Variants in HPSE2 observed in about 807,000 individuals in gnomAD.
HPSE2 encodes the protein inactive heparanase-2.
In HPSE2, 38 loss-of-function variants were observed where a neutral mutation model predicts 60.5. That is an observed-to-expected ratio of 0.63 (90% CI 0.48 to 0.82). The LOEUF is 0.82. Among genes scored for constraint, HPSE2 ranks in the 40% least tolerant of loss-of-function variants. The probability of loss-of-function intolerance (pLI) is 0.00; values close to 1 mark genes in which losing one functional copy is unlikely to be tolerated. For missense variants in HPSE2, 713 were observed against 740.4 expected (o/e 0.96, Z 0.43); for synonymous variants, 295 against 293.2 (o/e 1.01, Z -0.06).
Position 98,591,136 on chromosome 10 carries a change from G to A in HPSE2, c.1320+23768C>T, listed in dbSNP as rs202173159. ...CGGTGAAATAGGGATCAAAAAAAAA[G>A]AAGAGCCCCTGACACTGCCACTAGC... On this transcript the variant is annotated intron_variant, in intron 9 of 11. Transcript: ENST00000370552. Among the ~76,000 whole-genome samples the A allele has an allele frequency of 4.1e-3, 600 of 145,522 alleles. 2 individuals are homozygous for A. The highest frequency in any genetic ancestry group is 0.014 in the African/African-American group (579 of 40,646).
intron 9 of HPSE2, among the ~76,000 whole-genome samples, chr10:98,510,940 A>G (rs917927221): frequency 6.6e-6 from 1 of 152,216 alleles, no homozygotes; most frequent in Non-Finnish European, 1.5e-5. Flanking sequence ...TTTGCAGACA[A>G]CTTCACCAAG....
chr10:98,550,053 A>T (rs1369715727), intron 9 of HPSE2, among the ~76,000 whole-genome samples: 1 of 152,234 alleles, frequency 6.6e-6, no homozygotes, highest in Non-Finnish European at 1.5e-5. Flanking sequence ...ATTCAAGTTT[A>T]AACATTTTCC....
At chr10:99,168,715 G>A (rs1485202511) in intron 2 of HPSE2, among the ~76,000 whole-genome samples, 1 of 152,188 alleles carries the variant, frequency 6.6e-6, no homozygotes, top group African/African-American at 2.4e-5. Context: ...CAGGTAGGGT[G>A]AAACCTCAGT....
chr10:99,138,167 A>C (rs540626155), intron 3 of HPSE2, among the ~76,000 whole-genome samples: 1 of 152,356 alleles, frequency 6.6e-6, no homozygotes, highest in Non-Finnish European at 1.5e-5. Context: ...TCATTGGAGA[A>C]ATGCAAATCA....
Position 98,457,571 on chromosome 10 carries a change from T to C in HPSE2, c.*2003A>G, listed in dbSNP as rs1940102551. The C allele has an allele frequency of 6.6e-6, 1 of 152,290 alleles. No individual in the cohort carries two copies. Among genetic ancestry groups the C allele is most frequent in the African/African-American group, 2.4e-5 (1 of 41,460 alleles). 9.4% of individuals were successfully genotyped at this position (152,290 alleles called of 1,614,324 possible). On this transcript the variant is annotated 3_prime_UTR_variant, in exon 12 of 12. Coordinates refer to ENST00000370552, the MANE Select transcript of HPSE2 (RefSeq NM_021828.5). ...CTGCAGTCGCACCTGTACCAGTATG[T>C]AGAAGAGACGTTGATATCTGCACAC...
At chr10:99,302,419 C>T in the HPSE2 span, among the ~76,000 whole-genome samples, 6 of 149,654 alleles carry the variant, frequency 4.0e-5, no homozygotes, top group East Asian at 4.1e-4. Flanking sequence ...CTACTGGGGA[C>T]GCCAAAAGGG....
intron 7 of HPSE2, among the ~76,000 whole-genome samples, chr10:98,625,612 T>A (rs989289442): frequency 1.3e-5 from 2 of 152,324 alleles, no homozygotes; most frequent in East Asian, 3.9e-4. Flanking sequence ...AAGTCATCAA[T>A]AGGTCCTTGG....
chr10:98,645,124 A>T (rs570402138), intron 6 of HPSE2, among the ~76,000 whole-genome samples: 1 of 152,272 alleles, frequency 6.6e-6, no homozygotes, highest in South Asian at 2.1e-4. Context: ...TATAAGAGAG[A>T]TTGCCTTGGA....
chr10:98,724,071 A>G (rs1389290376), intron 4 of HPSE2, among the ~76,000 whole-genome samples: 4 of 151,882 alleles, frequency 2.6e-5, no homozygotes, highest in Non-Finnish European at 5.9e-5. Flanking sequence ...TGTCAATTTT[A>G]GATCTTTCCT....
At chr10:98,769,817 T>C (rs576566479) in intron 3 of HPSE2, among the ~76,000 whole-genome samples, 1 of 152,286 alleles carries the variant, frequency 6.6e-6, no homozygotes, top group African/African-American at 2.4e-5. Context: ...CATAAGTAAC[T>C]TGGACACCAC....
intron 3 of HPSE2, among the ~76,000 whole-genome samples, chr10:98,899,375 A>G (rs1160891956): frequency 6.6e-6 from 1 of 152,222 alleles, no homozygotes; most frequent in Non-Finnish European, 1.5e-5. Context: ...ATGAAATAAC[A>G]AGTAACACAA....
At chr10:98,878,197 A>G (rs753301229) in intron 3 of HPSE2, among the ~76,000 whole-genome samples, 9 of 152,000 alleles carry the variant, frequency 5.9e-5, no homozygotes, top group Non-Finnish European at 1.2e-4. Flanking sequence ...AACTTCTCCA[A>G]CGTATTGCCT....
At chr10:98,715,659 C>A (rs1455299551) in intron 5 of HPSE2, among the ~76,000 whole-genome samples, 1 of 151,962 alleles carries the variant, frequency 6.6e-6, no homozygotes, top group East Asian at 1.9e-4. Flanking sequence ...TTACACTATA[C>A]CATAGTCTAT....
intron 3 of HPSE2, among the ~76,000 whole-genome samples, chr10:98,911,704 G>A (rs1231664152): frequency 2.6e-5 from 4 of 152,124 alleles, no homozygotes; most frequent in Non-Finnish European, 5.9e-5. Flanking sequence ...CATTGAGTAG[G>A]GGGACATACT....
Position 99,127,000 on chromosome 10 carries a change from CTCT to C in HPSE2, c.610+17235_610+17237del, listed in dbSNP as rs1845189316. Among the ~76,000 whole-genome samples the C allele has an allele frequency of 6.6e-6, 1 of 152,166 alleles. No individual in the cohort carries two copies. Among genetic ancestry groups the C allele is most frequent in the Non-Finnish European group, 1.5e-5 (1 of 68,042 alleles). ...TGGGACAAAAGAAACTGAACAGCAG[CTCT>C]TGAGTCCCAGATCTTCCCTCTGACA... is the stretch of plus-strand genomic sequence containing the variant. On this transcript the variant is annotated intron_variant, in intron 3 of 11. Coordinates refer to ENST00000370552, the MANE Select transcript of HPSE2 (RefSeq NM_021828.5). The surrounding 1 kb of genome is among the most constrained non-coding windows in gnomAD (Gnocchi z 4.0).
intron 3 of HPSE2, among the ~76,000 whole-genome samples, chr10:99,130,849 T>C (rs1845356211): frequency 6.6e-6 from 1 of 152,094 alleles, no homozygotes; most frequent in African/African-American, 2.4e-5. Flanking sequence ...ATTGCATTCT[T>C]GGATGTGCTG....
intron 9 of HPSE2, among the ~76,000 whole-genome samples, chr10:98,510,450 T>G (rs897046637): frequency 6.6e-6 from 1 of 152,228 alleles, no homozygotes; most frequent in East Asian, 1.9e-4. Context: ...ACCTGGAGTC[T>G]GGCTTCCTGA....
intron 2 of HPSE2, among the ~76,000 whole-genome samples, chr10:99,218,392 CCA>C (rs1247859266): frequency 1.3e-5 from 2 of 151,936 alleles, no homozygotes; most frequent in Non-Finnish European, 2.9e-5. Context: ...ATCCCCCTTA[CCA>C]CACCTTTCTG....
At chr10:98,790,272 T>C (rs1011201456) in intron 3 of HPSE2, among the ~76,000 whole-genome samples, 2 of 152,208 alleles carry the variant, frequency 1.3e-5, no homozygotes, top group Non-Finnish European at 2.9e-5. Context: ...TTGTAAATAA[T>C]GCTGCAAGGA....
Sources: gnomAD v4.1 joint callset for allele counts (sites outside exome capture counted in the v4.1 genomes callset) on GRCh38, gnomAD v4.1.1 for gene constraint, Gnocchi (gnomAD v3.1) non-coding constraint, MANE v1.5 for transcripts, NCBI Gene and HGNC (gene_info 2026-07-23, HGNC 2026-07-21) for gene names.